Variants in PEPD observed in about 807,000 individuals in gnomAD.
PEPD encodes peptidase D.
PEPD carries 53 observed loss-of-function variants against 60.7 expected under a neutral mutation model. That is an observed-to-expected ratio of 0.87 (90% confidence interval 0.70 to 1.10). PEPD has a LOEUF of 1.10. Ranked by LOEUF, PEPD falls within the 50% of genes least tolerant of loss-of-function variation. The probability of loss-of-function intolerance (pLI) is 0.00; values close to 1 mark genes in which losing one functional copy is unlikely to be tolerated. For missense variants in PEPD, 711 were observed against 711.9 expected (o/e 1.00, Z 0.01); for synonymous variants, 267 against 284.1 (o/e 0.94, Z 0.60).
At chr19:33,437,142 C>T (rs780514833) in intron 9 of PEPD, among the ~76,000 whole-genome samples, 1 of 151,962 alleles carries the variant, frequency 6.6e-6, no homozygotes, top group Non-Finnish European at 1.5e-5. Context: ...AGAGACACAC[C>T]ACCCCCAACC....
chr19:33,387,250 T>C lies in PEPD; in HGVS notation c.*94A>G. On this transcript the variant is annotated 3_prime_UTR_variant, in exon 15 of 15. Transcript: ENST00000244137. Reference sequence around the variant, plus strand: ...AGCTGGGATCTGATTCTGGGTGCCGTCTCTCGCTACTGGAGTGCTGACCAG... The same window carrying C: ...AGCTGGGATCTGATTCTGGGTGCCGCCTCTCGCTACTGGAGTGCTGACCAG... The C allele has an allele frequency of 6.9e-7, 1 of 1,453,844 alleles. No homozygotes were observed. Among genetic ancestry groups the C allele is most frequent in the East Asian group, 2.3e-5 (1 of 43,842 alleles). 90.1% of individuals were successfully genotyped at this position (1,453,844 alleles called of 1,614,324 possible).
intron 9 of PEPD, among the ~76,000 whole-genome samples, chr19:33,451,315 T>G (rs1969695648): frequency 1.3e-5 from 2 of 152,212 alleles, no homozygotes; most frequent in African/African-American, 2.4e-5. Flanking sequence ...AATTTTCTAG[T>G]TTTTTAAGGA....
rs569315986 is a variant in PEPD, at chr19:33,442,952, G to A, written c.671+20043C>T. Reference sequence around the variant, plus strand: ...ACGGGGGCTGGGCCTTTCCTCCACCGCTGCCTCCCCAGGGCCCAGAACAGC... The same window carrying A: ...ACGGGGGCTGGGCCTTTCCTCCACCACTGCCTCCCCAGGGCCCAGAACAGC... On this transcript the variant is annotated intron_variant, in intron 9 of 14. Transcript: ENST00000244137. 2.5e-4 allele frequency among the ~76,000 whole-genome samples: 38 copies of A among 152,194 alleles called. No individual in the cohort carries two copies. In the South Asian group the frequency reaches 6.4e-3, roughly 26 times the overall value.
intron 9 of PEPD, among the ~76,000 whole-genome samples, chr19:33,424,528 A>G (rs1378108019): frequency 1.3e-5 from 2 of 152,200 alleles, no homozygotes; most frequent in Non-Finnish European, 2.9e-5. Flanking sequence ...TCTTGGCCCT[A>G]GAACAAAAAC....
intron 10 of PEPD, among the ~76,000 whole-genome samples, chr19:33,412,165 G>A (rs988113711): frequency 6.6e-6 from 1 of 152,170 alleles, no homozygotes; most frequent in African/African-American, 2.4e-5. Flanking sequence ...GCAACATGGC[G>A]AAACCCTACC....
chr19:33,399,274 G>A (rs993282696), intron 12 of PEPD, among the ~76,000 whole-genome samples: 2 of 152,178 alleles, frequency 1.3e-5, no homozygotes, highest in African/African-American at 2.4e-5. Flanking sequence ...GAGCCACAGA[G>A]CCCGGCCTGC....
intron 7 of PEPD, among the ~76,000 whole-genome samples, chr19:33,467,324 C>T (rs1241415727): frequency 6.6e-6 from 1 of 151,818 alleles, no homozygotes; most frequent in African/African-American, 2.4e-5. Context: ...CGGTCACAGT[C>T]ATCATAGAAA....
intron 9 of PEPD, among the ~76,000 whole-genome samples, chr19:33,436,570 A>T (rs1048689352): frequency 3.3e-5 from 5 of 152,212 alleles, no homozygotes; most frequent in East Asian, 1.9e-4. Context: ...TGGGAGAAGA[A>T]GATGTTTAGG....
At chr19:33,443,878 T>TGCAC (rs1487646996) in intron 9 of PEPD, among the ~76,000 whole-genome samples, 3 of 150,574 alleles carry the variant, frequency 2.0e-5, no homozygotes, top group Non-Finnish European at 3.0e-5. Context: ...AACATGCGCG[T>TGCAC]GCACACACAC....
intron 3 of PEPD, among the ~76,000 whole-genome samples, chr19:33,510,381 G>A (rs1405934516): frequency 6.6e-6 from 1 of 152,244 alleles, no homozygotes; most frequent in Admixed American, 6.5e-5. Flanking sequence ...AAAGCCAAAA[G>A]AGGAGGTCCC....
At chr19:33,479,835 A>T (rs1037913967) in intron 6 of PEPD, among the ~76,000 whole-genome samples, 1 of 152,224 alleles carries the variant, frequency 6.6e-6, no homozygotes, top group African/African-American at 2.4e-5. Context: ...ATGGGCATTT[A>T]GGTTGATTCC....
intron 7 of PEPD, among the ~76,000 whole-genome samples, chr19:33,466,999 T>C (rs1970031327): frequency 6.6e-6 from 1 of 151,306 alleles, no homozygotes; most frequent in South Asian, 2.1e-4. Context: ...CTACTAAAAA[T>C]ACAAAAAATT....
intron 3 of PEPD, among the ~76,000 whole-genome samples, chr19:33,507,213 G>A (rs917184070): frequency 4.6e-5 from 7 of 152,106 alleles, no homozygotes; most frequent in South Asian, 2.1e-4. Flanking sequence ...AGGGTCCCCC[G>A]ACCTGGTCAA....
chr19:33,401,638 C>A, intron 12 of PEPD, 83 bp downstream of exon 12: 3 of 1,292,908 alleles, frequency 2.3e-6, no homozygotes, highest in Admixed American at 3.9e-5. Context: ...ACAATGCAGA[C>A]CCGTTCCCTG....
At chr19:33,509,874 T>A (rs1970887777) in intron 3 of PEPD, among the ~76,000 whole-genome samples, 1 of 152,132 alleles carries the variant, frequency 6.6e-6, no homozygotes, top group Non-Finnish European at 1.5e-5. Context: ...GCAGGCACCA[T>A]GGAGGGTGGA....
chr19:33,502,521 C>G (rs1414600445), intron 3 of PEPD, among the ~76,000 whole-genome samples: 2 of 152,190 alleles, frequency 1.3e-5, no homozygotes, highest in East Asian at 1.9e-4. Flanking sequence ...GCAAACCCCC[C>G]CTTTTTTTTG....
intron 12 of PEPD, among the ~76,000 whole-genome samples, chr19:33,399,829 CCTT>C (rs1359453767): frequency 6.6e-6 from 1 of 152,156 alleles, no homozygotes; most frequent in East Asian, 1.9e-4. Flanking sequence ...CTCTGTGGGT[CCTT>C]AACAGAGGGC....
intron 9 of PEPD, among the ~76,000 whole-genome samples, chr19:33,443,693 T>C (rs968953853): frequency 2.0e-5 from 3 of 149,042 alleles, no homozygotes; most frequent in African/African-American, 7.3e-5. Flanking sequence ...AAAAAAAGTT[T>C]GCTGAACAAA....
intron 7 of PEPD, among the ~76,000 whole-genome samples, chr19:33,468,720 C>T (rs1970066086): frequency 6.6e-6 from 1 of 152,204 alleles, no homozygotes; most frequent in South Asian, 2.1e-4. Context: ...TTCCCGAGAC[C>T]ACAGAACCTT....
Sources: gnomAD v4.1 joint callset for allele counts (sites outside exome capture counted in the v4.1 genomes callset) on GRCh38, gnomAD v4.1.1 for gene constraint, MANE v1.5 for transcripts, NCBI Gene and HGNC (gene_info 2026-07-23, HGNC 2026-07-21) for gene names.